The following TFDP2 variants were observed in gnomAD, a reference collection of about 807,000 sequenced individuals.
The protein encoded by TFDP2 is transcription factor Dp-2 (E2F dimerization partner 2).
In TFDP2, 17 loss-of-function variants were observed where a neutral mutation model predicts 59.3. That is an observed-to-expected ratio of 0.29 (90% CI 0.20 to 0.43). The LOEUF (loss-of-function observed/expected upper bound fraction) is 0.43. Among genes scored for constraint, TFDP2 ranks in the 20% least tolerant of loss-of-function variants. The pLI, the probability that TFDP2 is intolerant of heterozygous loss-of-function variation, is 1.00. For missense variants in TFDP2, 391 were observed against 528.8 expected (o/e 0.74, Z 2.56); for synonymous variants, 180 against 194.7 (o/e 0.92, Z 0.63).
intron 4 of TFDP2, chr3:142,000,187 T>C: frequency 1.5e-6 from 1 of 673,858 alleles, no homozygotes; most frequent in South Asian, 1.6e-5. Context: ...ATTAATTTTC[T>C]TTAAAGTCTT....
chr3:142,074,196 G>A (rs977855596), intron 3 of TFDP2, among the ~76,000 whole-genome samples: 3 of 151,422 alleles, frequency 2.0e-5, no homozygotes, highest in Admixed American at 1.3e-4. Flanking sequence ...ATCACCTGAG[G>A]TCAGGAGTTC....
chr3:142,034,304 G>T (rs954599796), intron 3 of TFDP2, among the ~76,000 whole-genome samples: 2 of 151,618 alleles, frequency 1.3e-5, no homozygotes, highest in African/African-American at 4.8e-5. Flanking sequence ...TCTCCATGTT[G>T]GTCAGGCTGG....
intron 4 of TFDP2, among the ~76,000 whole-genome samples, chr3:142,003,623 T>C (rs546726358): frequency 1.3e-5 from 2 of 152,206 alleles, no homozygotes; most frequent in Admixed American, 6.5e-5. Flanking sequence ...AAAATTCTGA[T>C]TCCTGCCCAA....
chr3:141,994,003 T>A (rs903629950), intron 5 of TFDP2, among the ~76,000 whole-genome samples: 24 of 152,246 alleles, frequency 1.6e-4, no homozygotes, highest in African/African-American at 5.5e-4. Flanking sequence ...CACGTTATAA[T>A]CTTTCAAGGC....
intron 3 of TFDP2, among the ~76,000 whole-genome samples, chr3:142,087,662 G>A (rs1453215396): frequency 6.6e-6 from 1 of 151,908 alleles, no homozygotes; most frequent in African/African-American, 2.4e-5. Flanking sequence ...CACCATACCA[G>A]CTAATTTTTT....
At chr3:142,045,802 T>C (rs182953592) in intron 3 of TFDP2, among the ~76,000 whole-genome samples, 5 of 151,232 alleles carry the variant, frequency 3.3e-5, no homozygotes, top group Non-Finnish European at 3.0e-5. Flanking sequence ...TTTTTTTTTT[T>C]AGTAGGGATG....
At chr3:142,084,426 A>G (rs1329319907) in intron 3 of TFDP2, among the ~76,000 whole-genome samples, 1 of 152,184 alleles carries the variant, frequency 6.6e-6, no homozygotes, top group Non-Finnish European at 1.5e-5. Flanking sequence ...GCTCCTCAAA[A>G]AACTAAAAAT....
chr3:141,998,405 G>A (rs940226951), intron 4 of TFDP2, among the ~76,000 whole-genome samples: 22 of 152,034 alleles, frequency 1.4e-4, no homozygotes, highest in Non-Finnish European at 2.9e-5. Flanking sequence ...TTTGAGGTAG[G>A]GAGTTCGAGA....
intron 3 of TFDP2, chr3:142,028,822 T>A: frequency 1.8e-6 from 1 of 553,570 alleles, no homozygotes; most frequent in Non-Finnish European, 2.3e-6. Flanking sequence ...AAAGTGCAGG[T>A]CTTAGATGAA....
In TFDP2 at chr3:142,093,133, T is replaced by C. The variant is rs1455613540; in HGVS notation, c.16-6A>G. On this transcript the variant is annotated splice_polypyrimidine_tract_variant and splice_region_variant and intron_variant, in intron 2 of 12. Coordinates refer to ENST00000489671, the MANE Select transcript of TFDP2 (RefSeq NM_001178139.2). ...TTTGTGGAAGTCAAACCAACCTGAATAAAACCGTTTAAAAAGTTAAAAATA... is the reference window on the plus strand; with the variant it reads ...TTTGTGGAAGTCAAACCAACCTGAACAAAACCGTTTAAAAAGTTAAAAATA... The C allele has an allele frequency of 3.3e-6, 5 of 1,529,096 alleles. No individual in the cohort carries two copies. The highest frequency in any genetic ancestry group is 4.0e-5 in the Admixed American group (2 of 49,694). 94.7% of individuals were successfully genotyped at this position (1,529,096 alleles called of 1,614,324 possible).
intron 7 of TFDP2, among the ~76,000 whole-genome samples, chr3:141,977,097 T>G (rs192144079): frequency 0.04 from 3,975 of 98,648 alleles, 179 homozygotes; most frequent in Middle Eastern, 0.067. Context: ...GCCATATATA[T>G]ATATATATAT....
intron 3 of TFDP2, among the ~76,000 whole-genome samples, chr3:142,064,171 C>T (rs1228720478): frequency 6.6e-6 from 1 of 152,114 alleles, no homozygotes; most frequent in East Asian, 1.9e-4. Flanking sequence ...AGGCTGGTCT[C>T]GAACTCCTGG....
intron 3 of TFDP2, among the ~76,000 whole-genome samples, chr3:142,062,641 G>A (rs895975310): frequency 1.3e-5 from 2 of 151,930 alleles, no homozygotes; most frequent in African/African-American, 4.8e-5. Context: ...TCCAATCCTA[G>A]GTGTATGCCC....
intron 3 of TFDP2, among the ~76,000 whole-genome samples, chr3:142,079,425 C>A (rs2060565344): frequency 6.6e-6 from 1 of 152,058 alleles, no homozygotes; most frequent in Non-Finnish European, 1.5e-5. Flanking sequence ...AAGTTGTTGG[C>A]CTTAATAACT....
intron 3 of TFDP2, among the ~76,000 whole-genome samples, chr3:142,065,396 T>C (rs897425549): frequency 1.3e-5 from 2 of 152,136 alleles, no homozygotes; most frequent in Non-Finnish European, 2.9e-5. Context: ...GCTCCAGTGA[T>C]CTACCCTCCT....
chr3:142,014,309 T>C (rs79408130), intron 3 of TFDP2, among the ~76,000 whole-genome samples: 1 of 130,724 alleles, frequency 7.6e-6, no homozygotes, highest in Non-Finnish European at 1.8e-5. Flanking sequence ...TGCCCAGGTA[T>C]TTTTTTTTAT....
intron 3 of TFDP2, among the ~76,000 whole-genome samples, chr3:142,007,565 A>G (rs1357714458): frequency 6.6e-6 from 1 of 152,174 alleles, no homozygotes; most frequent in African/African-American, 2.4e-5. Context: ...ATTCCAGAAT[A>G]TTACATTTAT....
chr3:142,043,059 T>A (rs1432331801), intron 3 of TFDP2, among the ~76,000 whole-genome samples: 16 of 148,118 alleles, frequency 1.1e-4, no homozygotes, highest in African/African-American at 2.8e-4. Flanking sequence ...TTTTATTATT[T>A]TTTTTGAGAC....
intron 6 of TFDP2, 22 bp from the exon 7 acceptor site, chr3:141,978,704 T>G: frequency 1.9e-6 from 3 of 1,569,264 alleles, no homozygotes; most frequent in Non-Finnish European, 1.7e-6. Flanking sequence ...AAAAGTTTTT[T>G]TTACTCCATT....
Sources: gnomAD v4.1 joint callset for allele counts (sites outside exome capture counted in the v4.1 genomes callset) on GRCh38, gnomAD v4.1.1 for gene constraint, MANE v1.5 for transcripts, NCBI Gene and HGNC (gene_info 2026-07-23, HGNC 2026-07-21) for gene names.